Variants in MARCHF1 observed in about 807,000 individuals in gnomAD.
MARCHF1 encodes the protein E3 ubiquitin-protein ligase MARCHF1.
Under a neutral mutation model 54.2 loss-of-function variants are expected in MARCHF1, and 40 were observed. That is an observed-to-expected ratio of 0.74 (90% CI 0.57 to 0.96). The LOEUF (loss-of-function observed/expected upper bound fraction) is 0.96, where lower values mean the gene tolerates loss of function less well. Ranked by LOEUF, MARCHF1 falls within the 40% of genes least tolerant of loss-of-function variation. The pLI is 0.00. For synonymous variants in MARCHF1, 236 were observed against 236.3 expected (o/e 1.00, Z 0.01); for missense variants, 586 against 656.5 (o/e 0.89, Z 1.17).
At chr4:164,350,893 C>A (rs539496175) in intron 1 of MARCHF1, among the ~76,000 whole-genome samples, 1 of 151,930 alleles carries the variant, frequency 6.6e-6, no homozygotes, top group Non-Finnish European at 1.5e-5. Context: ...TGGGCGCAGG[C>A]GAGTGGGTGC....
chr4:163,834,278 C>T (rs1749113930), intron 4 of MARCHF1, among the ~76,000 whole-genome samples: 2 of 148,182 alleles, frequency 1.3e-5, no homozygotes, highest in Admixed American at 1.3e-4. Flanking sequence ...CAAAAACCTG[C>T]CAAAAAAAAA....
intron 4 of MARCHF1, among the ~76,000 whole-genome samples, chr4:163,767,479 G>A (rs1042159771): frequency 2.0e-5 from 3 of 151,800 alleles, no homozygotes; most frequent in Admixed American, 1.3e-4. Context: ...GACTACAGGC[G>A]CCCGCCACCA....
chr4:164,032,040 T>C (rs981517582), intron 2 of MARCHF1, among the ~76,000 whole-genome samples: 12 of 152,198 alleles, frequency 7.9e-5, no homozygotes, highest in Non-Finnish European at 1.8e-4. Flanking sequence ...GGAATTCAAC[T>C]GCTTCCTTGT....
At chr4:163,630,609 T>A (rs946234135) in intron 5 of MARCHF1, among the ~76,000 whole-genome samples, 45 of 152,314 alleles carry the variant, frequency 3.0e-4, no homozygotes, top group African/African-American at 1.0e-3. Flanking sequence ...ATAAATTTGA[T>A]AAGAATAAAG....
intron 3 of MARCHF1, among the ~76,000 whole-genome samples, chr4:163,911,210 T>C (rs1751181973): frequency 6.6e-6 from 1 of 152,214 alleles, no homozygotes; most frequent in Non-Finnish European, 1.5e-5. Context: ...TCTATCTTTA[T>C]CACTTATCTT....
intron 3 of MARCHF1, among the ~76,000 whole-genome samples, chr4:163,976,024 A>T (rs1471397460): frequency 6.6e-6 from 1 of 152,134 alleles, no homozygotes; most frequent in Non-Finnish European, 1.5e-5. Context: ...TATCTTATTT[A>T]AAAAAATAAA....
At chr4:163,786,547 T>C (rs1370767096) in intron 4 of MARCHF1, among the ~76,000 whole-genome samples, 4 of 151,870 alleles carry the variant, frequency 2.6e-5, no homozygotes, top group Non-Finnish European at 4.4e-5. Flanking sequence ...ATATATCAAA[T>C]GAAAATAGCA....
intron 1 of MARCHF1, among the ~76,000 whole-genome samples, chr4:164,334,135 A>G (rs531242154): frequency 3.3e-5 from 5 of 152,326 alleles, no homozygotes; most frequent in Non-Finnish European, 7.4e-5. Flanking sequence ...AAGTACTGAT[A>G]TGGAAGCTGC....
At chr4:164,308,972 A>C (rs1734770484) in intron 1 of MARCHF1, among the ~76,000 whole-genome samples, 1 of 152,016 alleles carries the variant, frequency 6.6e-6, no homozygotes, top group Non-Finnish European at 1.5e-5. Context: ...TTAAAAAAAA[A>C]AAAAAAGAAA....
intron 2 of MARCHF1, among the ~76,000 whole-genome samples, chr4:164,026,389 A>T (rs1487387301): frequency 6.6e-6 from 1 of 152,176 alleles, no homozygotes; most frequent in Non-Finnish European, 1.5e-5. Context: ...ATACACCACA[A>T]TCAGGTAAAC....
intron 4 of MARCHF1, among the ~76,000 whole-genome samples, chr4:163,810,112 G>C (rs1239042432): frequency 2.0e-5 from 3 of 151,864 alleles, no homozygotes; most frequent in Non-Finnish European, 4.4e-5. Flanking sequence ...CAAGCCTCTA[G>C]GACTAACCTT....
chr4:163,996,935 C>G (rs1488046741), intron 2 of MARCHF1, among the ~76,000 whole-genome samples: 1 of 151,988 alleles, frequency 6.6e-6, no homozygotes, highest in African/African-American at 2.4e-5. Flanking sequence ...CTTCTAGCCT[C>G]CAGAACCATG....
chr4:164,136,513 C>A (rs552521409), intron 1 of MARCHF1, among the ~76,000 whole-genome samples: 1 of 152,244 alleles, frequency 6.6e-6, no homozygotes, highest in Non-Finnish European at 1.5e-5. Context: ...TACTCAGGGG[C>A]TCAGCAGAGC....
intron 2 of MARCHF1, among the ~76,000 whole-genome samples, chr4:164,083,626 T>A (rs1185147049): frequency 2.6e-5 from 4 of 152,124 alleles, no homozygotes; most frequent in African/African-American, 9.6e-5. Flanking sequence ...AATAGAATAG[T>A]GTATTTCACG....
chr4:163,538,339 TCACA>T (rs796519415), intron 9 of MARCHF1, among the ~76,000 whole-genome samples: 3 of 150,146 alleles, frequency 2.0e-5, no homozygotes, highest in South Asian at 4.2e-4. Flanking sequence ...TTTTTTTTTT[TCACA>T]CACACACACA....
At chr4:164,231,142 T>G (rs1289637848) in intron 1 of MARCHF1, among the ~76,000 whole-genome samples, 1 of 152,150 alleles carries the variant, frequency 6.6e-6, no homozygotes, top group African/African-American at 2.4e-5. Context: ...GTCCAAATTC[T>G]GTCTCTACCA....
intron 8 of MARCHF1, among the ~76,000 whole-genome samples, chr4:163,548,221 A>G (rs1738977169): frequency 6.6e-6 from 1 of 152,236 alleles, no homozygotes; most frequent in South Asian, 2.1e-4. Flanking sequence ...GAATTACTTC[A>G]GTATTTAATA....
intron 3 of MARCHF1, among the ~76,000 whole-genome samples, chr4:163,867,991 TC>T (rs1472291969): frequency 6.6e-6 from 1 of 151,794 alleles, no homozygotes; most frequent in Non-Finnish European, 1.5e-5. Context: ...CTTACCTGTT[TC>T]CCCAATTATC....
At chr4:164,337,533 G>A (rs1485863396) in intron 1 of MARCHF1, among the ~76,000 whole-genome samples, 1 of 152,152 alleles carries the variant, frequency 6.6e-6, no homozygotes, top group Admixed American at 6.5e-5. Flanking sequence ...TGAGTAAATG[G>A]CTAAGAGAGT....
Sources: gnomAD v4.1 joint callset for allele counts (sites outside exome capture counted in the v4.1 genomes callset) on GRCh38, gnomAD v4.1.1 for gene constraint, MANE v1.5 for transcripts, NCBI Gene and HGNC (gene_info 2026-07-23, HGNC 2026-07-21) for gene names.